The following BTD variants were observed in gnomAD, a reference collection of about 807,000 sequenced individuals.
BTD encodes the protein biocytinase.
A neutral mutation model predicts 17.7 loss-of-function variants in BTD; 13 were observed. The observed-to-expected ratio is 0.74, with a 90% confidence interval of 0.48 to 1.17. BTD has a LOEUF of 1.17. Among genes scored for constraint, BTD ranks in the 50% most tolerant of loss-of-function variants. BTD has a pLI of 0.00. For synonymous variants in BTD, 240 were observed against 245.2 expected, an observed-to-expected ratio of 0.98 and a Z score of 0.20; for missense variants, 674 against 650.4, an observed-to-expected ratio of 1.04 and a Z score of -0.39.
In BTD at chr3:15,610,926, A is replaced by G. The variant is rs1044056978; in HGVS notation, c.-17+9032A>G. Reference sequence around the variant, plus strand: ...TAAAAGTCAGGGTCATGGTTACTTGATCCCTCATGGGTAATGTTGTCAGAT... The same window carrying G: ...TAAAAGTCAGGGTCATGGTTACTTGGTCCCTCATGGGTAATGTTGTCAGAT... On this transcript the variant is annotated intron_variant, in intron 1 of 3. Coordinates refer to ENST00000643237, the MANE Select transcript of BTD (RefSeq NM_001370658.1). 2.6e-5 allele frequency among the ~76,000 whole-genome samples: 4 copies of G among 151,238 alleles called. No homozygotes were observed. In the South Asian group the frequency reaches 8.4e-4, roughly 32 times the overall value.
intron 3 of BTD, among the ~76,000 whole-genome samples, chr3:15,686,946 CTT>C (rs368116430): frequency 2.0e-4 from 28 of 140,872 alleles, no homozygotes; most frequent in Admixed American, 2.1e-4. Flanking sequence ...CCTGATATTG[CTT>C]TTTTTTTTTT....
chr3:15,602,231 C>T, intron 1 of BTD: 1 of 1,322,750 alleles, frequency 7.6e-7, no homozygotes, highest in Non-Finnish European at 9.7e-7. Flanking sequence ...TAGATCCAGA[C>T]CGTGCCTGAG....
Position 15,644,741 on chromosome 3 carries a change from C to T in BTD, c.825C>T (p.Asn275=), listed in dbSNP as rs145379955. The change falls in exon 4 of 4, where the codon AAC becomes AAT. Residue 275 remains asparagine (N), a synonymous_variant. Coordinates refer to ENST00000643237, the MANE Select transcript of BTD (RefSeq NM_001370658.1). ...CTTTTGCTGTTGCCTTTGGCATCAA[C>T]GTTCTGGCAGCTAATGTCCACCACC... ...QKAFAVAFGI[N]VLAANVHHPV... is the part of the protein sequence containing the mutation. The T allele has an allele frequency of 8.9e-5, 143 of 1,614,172 alleles. No homozygotes were observed. In the African/African-American group the frequency reaches 1.5e-3, roughly 17 times the overall value.
chr3:15,626,698 G>A (rs13075998), intron 1 of BTD, among the ~76,000 whole-genome samples: 1 of 150,158 alleles, frequency 6.7e-6, no homozygotes, highest in South Asian at 2.1e-4. Context: ...GATCACTTGA[G>A]CCTAGGAGTT....
rs1450018337 is a variant in BTD, at chr3:15,661,296, AAAAG to A, written c.399+19243_399+19246del. 3.4e-3 allele frequency among the ~76,000 whole-genome samples: 503 copies of A among 146,066 alleles called. 1 individual carries two copies. The highest frequency in any genetic ancestry group is 0.012 in the African/African-American group (460 of 39,796). ...AAAAAAAAAAAAAAAAAAAAAAAGA[AAAAG>A]AAAAAGAGCTCCTCCACATCCACAC... is the stretch of plus-strand genomic sequence containing the variant. On this transcript the variant is annotated intron_variant, in intron 3 of 3. Coordinates refer to the BTD transcript ENST00000672141.
downstream of BTD, among the ~76,000 whole-genome samples, chr3:15,655,159 A>G (rs192568036): frequency 3.0e-3 from 458 of 152,342 alleles, 3 homozygotes; most frequent in African/African-American, 0.01. Flanking sequence ...TTGCAATCCA[A>G]ATTGTTTAGT....
At chr3:15,710,442 C>T (rs183524133) in exon 4 of BTD, among the ~76,000 whole-genome samples, 20 of 152,228 alleles carry the variant, frequency 1.3e-4, no homozygotes, top group Non-Finnish European at 1.3e-4. Context: ...GGTTCTCTGG[C>T]GACCTTGGAA....
At chr3:15,667,185 T>C (rs1220643886) in intron 3 of BTD, 6 of 152,238 alleles carry the variant, frequency 3.9e-5, no homozygotes, top group African/African-American at 1.4e-4. Context: ...AATTCAATGC[T>C]AGACAGTTTA....
chr3:15,697,361 C>T (rs1575209498), intron 3 of BTD: 1 of 152,248 alleles, frequency 6.6e-6, no homozygotes, highest in East Asian at 1.9e-4. Flanking sequence ...AAAGACTACA[C>T]ATTGGATACA....
At chr3:15,613,656 T>G (rs1171014082) in intron 1 of BTD, among the ~76,000 whole-genome samples, 1 of 152,198 alleles carries the variant, frequency 6.6e-6, no homozygotes, top group Non-Finnish European at 1.5e-5. Context: ...CAGAATGTTT[T>G]GTCACAGTTT....
Position 15,663,001 on chromosome 3 carries a change from ATAT to A in BTD, c.399+20946_399+20948del, listed in dbSNP as rs1416511031. ...ATTACTGCATCTATGTTCATGAGAA[ATAT>A]TTTTTTTTTTGAGACGGAGTTTCGC... On this transcript the variant is annotated intron_variant, in intron 3 of 3. Transcript: ENST00000672141. Among the ~76,000 whole-genome samples, 10 of 151,670 alleles carry A rather than the reference ATAT, an allele frequency of 6.6e-5. No individual in the cohort carries two copies. The East Asian group carries it at 1.9e-3, about 29-fold the overall frequency.
chr3:15,698,605 CAG>C (rs1300626087), intron 3 of BTD, among the ~76,000 whole-genome samples: 1 of 152,114 alleles, frequency 6.6e-6, no homozygotes, highest in East Asian at 1.9e-4. Context: ...AACAGACAAA[CAG>C]AGAGCCAAAT....
In BTD at chr3:15,649,803, C is replaced by T. The variant is rs1325895681; in HGVS notation, c.*4315C>T. ...ATTCCCAGTTCACAGAGCCCTTTCT[C>T]ATTGAACTATTTATCTGAGTTCCCT... On this transcript the variant is annotated 3_prime_UTR_variant, in exon 4 of 4. Transcript: ENST00000643237. Among the ~76,000 whole-genome samples, 2 of 152,044 alleles carry T rather than the reference C, an allele frequency of 1.3e-5. No homozygotes were observed. Among genetic ancestry groups the T allele is most frequent in the Non-Finnish European group, 2.9e-5 (2 of 68,044 alleles).
At chr3:15,679,298 T>C in intron 3 of BTD, 1 of 1,613,668 alleles carries the variant, frequency 6.2e-7, no homozygotes, top group Non-Finnish European at 8.5e-7. Context: ...GTTGAATTCC[T>C]ACCTTCCTTT....
intron 1 of BTD, among the ~76,000 whole-genome samples, chr3:15,618,800 C>T (rs1323419000): frequency 6.6e-6 from 1 of 152,230 alleles, no homozygotes; most frequent in African/African-American, 2.4e-5. Context: ...GCTGGGATTA[C>T]AGGCGTGAGC....
chr3:15,710,479 C>T (rs1487641665), exon 4 of BTD, among the ~76,000 whole-genome samples: 4 of 152,168 alleles, frequency 2.6e-5, no homozygotes, highest in African/African-American at 7.2e-5. Flanking sequence ...CACATGCTCA[C>T]AATCCATCTC....
chr3:15,696,823 G>A (rs566480488), intron 3 of BTD, among the ~76,000 whole-genome samples: 3 of 152,178 alleles, frequency 2.0e-5, no homozygotes, highest in African/African-American at 7.2e-5. Context: ...AATAAAATAT[G>A]AGGAAAATAA....
At chr3:15,691,614 A>G (rs2068814640) in intron 3 of BTD, among the ~76,000 whole-genome samples, 1 of 152,246 alleles carries the variant, frequency 6.6e-6, no homozygotes, top group South Asian at 2.1e-4. Context: ...AGCAAGAGAT[A>G]AACTTGCTCT....
chr3:15,616,360 A>G (rs1307109871), intron 1 of BTD, among the ~76,000 whole-genome samples: 1 of 152,138 alleles, frequency 6.6e-6, no homozygotes, highest in Non-Finnish European at 1.5e-5. Context: ...CACACCTGTA[A>G]TCCCGGCAAT....
Sources: gnomAD v4.1 joint callset for allele counts (sites outside exome capture counted in the v4.1 genomes callset) on GRCh38, gnomAD v4.1.1 for gene constraint, MANE v1.5 for transcripts, NCBI Gene and HGNC (gene_info 2026-07-23, HGNC 2026-07-21) for gene names.